The following CYFIP2 variants were observed in gnomAD, a reference collection of about 807,000 sequenced individuals.
The protein encoded by CYFIP2 is cytoplasmic FMR1-interacting protein 2.
CYFIP2 carries 29 observed loss-of-function variants against 158.7 expected under a neutral mutation model. The ratio of observed to expected loss-of-function variants is 0.18; its 90% CI spans 0.14 to 0.25. CYFIP2 has a LOEUF of 0.25. Among genes scored for constraint, CYFIP2 ranks in the 10% least tolerant of loss-of-function variants. The probability of loss-of-function intolerance (pLI) is 1.00; values close to 1 mark genes in which losing one functional copy is unlikely to be tolerated. For missense variants in CYFIP2, 852 were observed against 1,639.5 expected, an observed-to-expected ratio of 0.52 and a Z score of 8.29; for synonymous variants, 585 against 617.6, an observed-to-expected ratio of 0.95 and a Z score of 0.78.
chr5:157,297,299 T>C (rs948619358), intron 5 of CYFIP2, among the ~76,000 whole-genome samples: 5 of 152,054 alleles, frequency 3.3e-5, no homozygotes, highest in Admixed American at 6.6e-5. Flanking sequence ...GAAGGTGGGG[T>C]GTGGATATGC....
At chr5:157,346,667 T>C (rs1248124137) in intron 23 of CYFIP2, among the ~76,000 whole-genome samples, 1 of 152,238 alleles carries the variant, frequency 6.6e-6, no homozygotes, top group Admixed American at 6.5e-5. Flanking sequence ...ATTTCTGTCA[T>C]GTTAAGCTGC....
At chr5:157,319,583 T>C (rs1302485351) in intron 13 of CYFIP2, among the ~76,000 whole-genome samples, 179 bp from the exon 14 acceptor site, 1 of 152,280 alleles carries the variant, frequency 6.6e-6, no homozygotes, top group Admixed American at 6.5e-5. Context: ...AGCCAAGTGC[T>C]GATATACGTA....
Position 157,368,514 on chromosome 5 carries a change from T to G in CYFIP2, c.3039+6916T>G, listed in dbSNP as rs537466648. Among the ~76,000 whole-genome samples the G allele has an allele frequency of 2.6e-5, 4 of 152,314 alleles. No homozygotes were observed. In the East Asian group the frequency reaches 7.7e-4, roughly 29 times the overall value. On this transcript the variant is annotated intron_variant, in intron 26 of 30. Transcript: ENST00000620254. Reference sequence around the variant, plus strand: ...GCACCCACAAGTAATGCCTCTGGCCTTTCTGTATGAGTGTTTCTCTTAGCC... The same window carrying G: ...GCACCCACAAGTAATGCCTCTGGCCGTTCTGTATGAGTGTTTCTCTTAGCC...
chr5:157,361,747 T>G lies in CYFIP2; in HGVS notation c.3039+149T>G. 1 of 1,069,456 alleles carries G rather than the reference T, an allele frequency of 9.4e-7. No individual in the cohort carries two copies. The highest frequency in any genetic ancestry group is 1.3e-6 in the Non-Finnish European group (1 of 758,566). The allele number at this position is 1,069,456 out of a possible 1,614,324, so 66.2% of individuals were successfully genotyped here. A position where few individuals can be genotyped will look rare whatever the true frequency, so the allele number is the denominator to read the frequency against. On this transcript the variant is annotated intron_variant, in intron 26 of 30. Transcript: ENST00000620254. The surrounding 1 kb of genome is among the most constrained non-coding windows in gnomAD (Gnocchi z 4.4). ...AGTTCATTTCCAGACAGACATGGAT[T>G]CTAGTCCTGGCTCCCCCATTCACGA...
intron 30 of CYFIP2, among the ~76,000 whole-genome samples, chr5:157,391,175 A>G: frequency 6.6e-6 from 1 of 152,094 alleles, no homozygotes. Context: ...GGCGGGTAGG[A>G]TGCTCCAGAC....
chr5:157,388,011 C>G (rs916967223), intron 28 of CYFIP2, among the ~76,000 whole-genome samples: 1 of 152,144 alleles, frequency 6.6e-6, no homozygotes, highest in East Asian at 1.9e-4. Context: ...AGTGAGCTTC[C>G]GGGGTAGGTC....
rs1282445619 is a variant in CYFIP2, at chr5:157,314,274, G to A, written c.1111-70G>A. ...AGCACTTCCCTGCAGTGTTCTTGGG[G>A]GAATCAATGAGATAACATATAAAAG... On this transcript the variant is annotated intron_variant, in intron 11 of 30. Transcript: ENST00000620254. 4 of 1,557,700 alleles carry A rather than the reference G, an allele frequency of 2.6e-6. No individual in the cohort carries two copies. In the African/African-American group the frequency reaches 5.4e-5, roughly 21 times the overall value.
At chr5:157,344,132 G>C (rs1262892091) in intron 23 of CYFIP2, among the ~76,000 whole-genome samples, 1 of 152,020 alleles carries the variant, frequency 6.6e-6, no homozygotes, top group Non-Finnish European at 1.5e-5. Flanking sequence ...TTCTGCTCTT[G>C]TTTTGTTTGT....
In CYFIP2 at chr5:157,311,610, C is replaced by T; in HGVS notation, c.993-54C>T. The T allele has an allele frequency of 6.7e-7, 1 of 1,497,828 alleles. No homozygotes were observed. The highest frequency in any genetic ancestry group is 9.1e-7 in the Non-Finnish European group (1 of 1,102,128). The allele number at this position is 1,497,828 out of a possible 1,614,324, so 92.8% of individuals were successfully genotyped here. A position where few individuals can be genotyped will look rare whatever the true frequency, so the allele number is the denominator to read the frequency against. On this transcript the variant is annotated intron_variant, in intron 10 of 30. Coordinates refer to ENST00000620254, the MANE Select transcript of CYFIP2 (RefSeq NM_001037333.3). This position sits in a 1 kb window ranked among gnomAD's most constrained non-coding sequence, Gnocchi z 4.7. The stretch of plus-strand genomic sequence containing the variant: ...GCACCAGGAGCAGCTAATGCCTGTT[C>T]CACCCAGGCGCCTGAGGCTGGGACC...
chr5:157,274,335 C>T (rs1482014591), intron 1 of CYFIP2, among the ~76,000 whole-genome samples: 2 of 152,116 alleles, frequency 1.3e-5, no homozygotes, highest in Non-Finnish European at 2.9e-5. Flanking sequence ...TGGAACAATA[C>T]AATACGGGGT....
At chr5:157,303,856 GT>G (rs1758991138) in intron 7 of CYFIP2, among the ~76,000 whole-genome samples, 1 of 151,700 alleles carries the variant, frequency 6.6e-6, no homozygotes, top group African/African-American at 2.4e-5. Context: ...CCTGGGTGGG[GT>G]TTTGCTGCCG....
At chr5:157,307,653 G>A (rs995447641) in intron 8 of CYFIP2, 108 bp from the exon 9 acceptor site, 5 of 618,872 alleles carry the variant, frequency 8.1e-6, no homozygotes, top group African/African-American at 2.0e-5. Context: ...GTGTGTGTGT[G>A]TGTATGTGTG....
chr5:157,378,878 C>T (rs1765763108), intron 26 of CYFIP2, among the ~76,000 whole-genome samples: 1 of 152,220 alleles, frequency 6.6e-6, no homozygotes, highest in Admixed American at 6.5e-5. Context: ...CCATTTAATC[C>T]AGCCTCTTCA....
chr5:157,345,185 C>T (rs528505393), intron 23 of CYFIP2, among the ~76,000 whole-genome samples: 22 of 152,280 alleles, frequency 1.4e-4, no homozygotes, highest in Non-Finnish European at 2.4e-4. Context: ...CTTTCGACCA[C>T]GATGAAAAGA....
At chr5:157,286,040 G>A (rs1757350545) in intron 2 of CYFIP2, among the ~76,000 whole-genome samples, 1 of 152,158 alleles carries the variant, frequency 6.6e-6, no homozygotes, top group South Asian at 2.1e-4. Context: ...GAAAGGATAT[G>A]CTAATTTGAA....
chr5:157,379,668 CAAAAAAAAA>C (rs70984468), intron 26 of CYFIP2, among the ~76,000 whole-genome samples: 7 of 73,638 alleles, frequency 9.5e-5, no homozygotes, highest in Admixed American at 2.1e-4. Context: ...GACCCTGTCT[CAAAAAAAAA>C]AAAAAAAAAA....
chr5:157,331,083 A>C, intron 20 of CYFIP2, among the ~76,000 whole-genome samples: 1 of 152,120 alleles, frequency 6.6e-6, no homozygotes, highest in East Asian at 1.9e-4. Flanking sequence ...AACCTCTGAC[A>C]AGTTATGGCA....
chr5:157,276,615 A>T (rs1561682338), intron 1 of CYFIP2, among the ~76,000 whole-genome samples: 1 of 152,216 alleles, frequency 6.6e-6, no homozygotes, highest in Non-Finnish European at 1.5e-5. Flanking sequence ...CCTAAGAGAT[A>T]GGAACTATCA....
intron 24 of CYFIP2, 42 bp from the exon 25 acceptor site, chr5:157,360,240 G>A: frequency 6.4e-7 from 1 of 1,554,214 alleles, no homozygotes; most frequent in Non-Finnish European, 8.8e-7. Flanking sequence ...ACCCCGCATA[G>A]CCCAGAATTC....
Sources: allele counts gnomAD v4.1 joint callset (sites outside exome capture counted in the v4.1 genomes callset), GRCh38; gene constraint gnomAD v4.1.1; non-coding constraint Gnocchi (gnomAD v3.1); transcripts MANE v1.5; gene names NCBI Gene and HGNC (gene_info 2026-07-23, HGNC 2026-07-21).